CBY3: variants seen among roughly 807,000 people sequenced by gnomAD.
The protein encoded by CBY3 is sperm annulus positioning complex subunit Chibby3.
A neutral mutation model predicts 3.0 loss-of-function variants in CBY3; 7 were observed. The observed-to-expected ratio is 2.32, with a 90% confidence interval of 1.32 to 4.35. The LOEUF (loss-of-function observed/expected upper bound fraction) is 4.35. Ranked by LOEUF, CBY3 falls within the 30% of genes most tolerant of loss-of-function variation. The probability of loss-of-function intolerance (pLI) is 0.00; values close to 1 mark genes in which losing one functional copy is unlikely to be tolerated. For missense variants in CBY3, 400 were observed against 336.4 expected (o/e 1.19, Z -1.48); for synonymous variants, 170 against 154.5 (o/e 1.10, Z -0.74).
Position 179,678,694 on chromosome 5 carries a change from G to T in CBY3, c.618C>A (p.Pro206=). 1 of 1,536,836 alleles carries T rather than the reference G, an allele frequency of 6.5e-7. No homozygotes were observed. The highest frequency in any genetic ancestry group is 8.7e-7 in the Non-Finnish European group (1 of 1,146,688). Residue 206 remains proline (P), a synonymous_variant, in exon 2 of 2, where the codon CCC becomes CCA. Transcript: ENST00000376974. ...GCGCCGCAGCCGTCGGGATCACCTC[G>T]GGGTTGCGCTGCTTCTCCAGCAAGT... ...RMHLLEKQRN[P]EVIPTAAARA...
In CBY3 at chr5:179,679,283, G is replaced by T; in HGVS notation, c.47-18C>A. On this transcript the variant is annotated intron_variant, in intron 1 of 1. Transcript: ENST00000376974. ...GGGCGCTGCTGGGAGACAAGAGTCC[G>T]GGTGAGCAGCGTGCTTGGTACAGGC... 1.3e-6 allele frequency: 2 copies of T among 1,506,934 alleles called. No individual in the cohort carries two copies. The highest frequency in any genetic ancestry group is 1.8e-6 in the Non-Finnish European group (2 of 1,131,554). 93.3% of individuals were successfully genotyped at this position (1,506,934 alleles called of 1,614,324 possible). A position where few individuals can be genotyped will look rare whatever the true frequency, so the allele number is the denominator to read the frequency against.
chr5:179,679,291 A>C, intron 1 of CBY3, 26 bp from the exon 2 acceptor site: 3 of 1,500,378 alleles, frequency 2.0e-6, no homozygotes, highest in Non-Finnish European at 2.7e-6. Context: ...CCGGGTGAGC[A>C]GCGTGCTTGG....
chr5:179,680,754 C>T (rs1337876135), intron 1 of CBY3, 119 bp downstream of exon 1: 1 of 704,336 alleles, frequency 1.4e-6, no homozygotes, highest in African/African-American at 1.8e-5. Flanking sequence ...AATTCCTCTT[C>T]TGCCCATGGG....
At chr5:179,680,684 C>G (rs972811550) in intron 1 of CBY3, among the ~76,000 whole-genome samples, 189 bp downstream of exon 1, 2 of 152,146 alleles carry the variant, frequency 1.3e-5, no homozygotes, top group Non-Finnish European at 2.9e-5. Flanking sequence ...CTGCACCCCC[C>G]ACCCCTGCCC....
At chr5:179,680,076 G>C (rs1215660160) in intron 1 of CBY3, among the ~76,000 whole-genome samples, 2 of 149,064 alleles carry the variant, frequency 1.3e-5, no homozygotes, top group Non-Finnish European at 3.0e-5. Context: ...GCGCCAAAGT[G>C]CTGGGATTAC....
intron 1 of CBY3, 111 bp from the exon 2 acceptor site, chr5:179,679,376 C>T (rs1775995012): frequency 1.1e-6 from 1 of 945,924 alleles, no homozygotes; most frequent in East Asian, 2.7e-5. Flanking sequence ...CTGTGTCTCA[C>T]CAGCTGCTGG....
chr5:179,679,059 A>G lies in CBY3; in HGVS notation c.253T>C (p.Ser85Pro). The change falls in exon 2 of 2, where the codon TCG becomes CCG. Residue 85 changes from serine to proline, a missense_variant. Physicochemically the swap from Ser to Pro is moderately conservative, Grantham distance 74. Transcript: ENST00000376974. ...TLQQFWADHISRPFSPRRPPL... is the reference protein window; with the variant it reads ...TLQQFWADHIPRPFSPRRPPL... ...GGCCGCCGTGGCGAGAAGGGCCGCG[A>G]GATGTGATCGGCCCAAAACTGCTGC... 6.5e-7 allele frequency: 1 copy of G among 1,534,860 alleles called. No individual in the cohort carries two copies. The highest frequency in any genetic ancestry group is 8.7e-7 in the Non-Finnish European group (1 of 1,146,074).
rs552762374 is a variant in CBY3 at position 179,680,902 on chromosome 5, T to C, written c.17A>G (p.Asp6Gly). Residue 6 changes from aspartate to glycine, a missense_variant, in exon 1 of 2, where the codon GAC becomes GGC. Coordinates refer to ENST00000376974, the MANE Select transcript of CBY3 (RefSeq NM_001164444.2). The stretch of plus-strand genomic sequence containing the variant: ...CCCAAGATCTGGTTCAGGGAGATGG[T>C]CTCTGGAAGCCCACATCCAGGCCCA... MWASR[D>G]HLPEPDLGDA... 6.5e-6 allele frequency: 10 copies of C among 1,536,846 alleles called. No individual in the cohort carries two copies. The African/African-American group carries it at 1.2e-4, about 19-fold the overall frequency.
rs750194507 is a variant in CBY3, at chr5:179,678,694, G to C, written c.618C>G (p.Pro206=). 5.2e-6 allele frequency: 8 copies of C among 1,536,718 alleles called. No individual in the cohort carries two copies. Among genetic ancestry groups the C allele is most frequent in the East Asian group, 2.4e-5 (1 of 40,916 alleles). ...GCGCCGCAGCCGTCGGGATCACCTC[G>C]GGGTTGCGCTGCTTCTCCAGCAAGT... ...RMHLLEKQRN[P]EVIPTAAARA... is the part of the protein sequence containing the mutation. Residue 206 remains proline (P), a synonymous_variant, in exon 2 of 2, where the codon CCC becomes CCG. Coordinates refer to ENST00000376974, the MANE Select transcript of CBY3 (RefSeq NM_001164444.2).
In CBY3 at chr5:179,679,170, T is replaced by A. The variant is rs1189581797; in HGVS notation, c.142A>T (p.Ser48Cys). 13 of 1,535,102 alleles carry A rather than the reference T, an allele frequency of 8.5e-6. No homozygotes were observed. The African/African-American group carries it at 1.8e-4, about 21-fold the overall frequency. ...SRQRSRGSPS[S>C]TCVPYKVHAL... ...TGGACCTTGTAGGGCACGCAGGTGC[T>A]CGAAGGGGAGCCTCGGGAGCGCTGG... Residue 48 changes from serine (S) to cysteine (C), a missense_variant, in exon 2 of 2, where the codon AGC becomes TGC. Coordinates refer to ENST00000376974, the MANE Select transcript of CBY3 (RefSeq NM_001164444.2).
intron 1 of CBY3, among the ~76,000 whole-genome samples, chr5:179,680,056 G>T (rs1776022295): frequency 7.1e-6 from 1 of 140,000 alleles, no homozygotes; most frequent in Admixed American, 8.2e-5. Flanking sequence ...CAGGTGATCT[G>T]CCCGCCTCAG....
At chr5:179,680,560 G>A (rs1332740297) in intron 1 of CBY3, among the ~76,000 whole-genome samples, 2 of 152,112 alleles carry the variant, frequency 1.3e-5, no homozygotes, top group African/African-American at 4.8e-5. Context: ...TATGCATAGG[G>A]CTCAAAGTAT....
rs1435515354 is a variant in CBY3, at chr5:179,679,129, G to A, written c.183C>T (p.Phe61=). The change falls in exon 2 of 2, where the codon TTC becomes TTT. Residue 61 remains phenylalanine, a synonymous_variant. Coordinates refer to ENST00000376974, the MANE Select transcript of CBY3 (RefSeq NM_001164444.2). ...TGGCATGGCTCGTAGCCGAGCACTC[G>A]AAGGTTGCCAGGGCGTGGACCTTGT... The part of the protein sequence containing the change: ...VPYKVHALAT[F]ECSATSHASR... 6 of 1,535,658 alleles carry A rather than the reference G, an allele frequency of 3.9e-6. No homozygotes were observed. The highest frequency in any genetic ancestry group is 5.2e-6 in the Non-Finnish European group (6 of 1,146,848).
chr5:179,679,106 G>A lies in CBY3; in HGVS notation c.206C>T (p.Ala69Val), dbSNP rs1169416129. The A allele has an allele frequency of 1.3e-6, 2 of 1,535,700 alleles. No individual in the cohort carries two copies. Among genetic ancestry groups the A allele is most frequent in the Non-Finnish European group, 8.7e-7 (1 of 1,146,734 alleles). ...CTGCAGCGTCTGCCACAGGCGGCTGGCATGGCTCGTAGCCGAGCACTCGAA... is the reference window on the plus strand; with the variant it reads ...CTGCAGCGTCTGCCACAGGCGGCTGACATGGCTCGTAGCCGAGCACTCGAA... ...ATFECSATSH[A>V]SRLWQTLQQF... Residue 69 changes from alanine (A) to valine (V), a missense_variant, in exon 2 of 2, where the codon GCC (alanine) becomes GTC (valine). Coordinates refer to ENST00000376974, the MANE Select transcript of CBY3 (RefSeq NM_001164444.2).
chr5:179,679,071 C>T lies in CBY3; in HGVS notation c.241G>A (p.Ala81Thr), dbSNP rs1328161515. Reference protein sequence around the residue: ...RLWQTLQQFWADHISRPFSPR... With the variant: ...RLWQTLQQFWTDHISRPFSPR... ...GAGAAGGGCCGCGAGATGTGATCGG[C>T]CCAAAACTGCTGCAGCGTCTGCCAC... Residue 81 changes from alanine to threonine, a missense_variant, in exon 2 of 2, where the codon GCC becomes ACC. Coordinates refer to ENST00000376974, the MANE Select transcript of CBY3 (RefSeq NM_001164444.2). 2.0e-6 allele frequency: 3 copies of T among 1,535,564 alleles called. No homozygotes were observed. The highest frequency in any genetic ancestry group is 2.6e-6 in the Non-Finnish European group (3 of 1,146,556).
In CBY3 at chr5:179,678,951, C is replaced by T. The variant is rs1206650029; in HGVS notation, c.361G>A (p.Gly121Ser). ...TTGCTGAGGCGCATGCACGGCGCGC[C>T]GTAGGCGAGGCCCAGCTCGGCCTGG... ...TRQAELGLAY[G>S]APCMRLSNQA... Residue 121 changes from glycine to serine, a missense_variant, in exon 2 of 2, where the codon GGC (glycine) becomes AGC (serine). Physicochemically the swap from Gly to Ser is moderately conservative, Grantham distance 56. Coordinates refer to ENST00000376974, the MANE Select transcript of CBY3 (RefSeq NM_001164444.2). 33 of 1,535,356 alleles carry T rather than the reference C, an allele frequency of 2.1e-5. No homozygotes were observed. Among genetic ancestry groups the T allele is most frequent in the Middle Eastern group, 1.7e-4 (1 of 6,008 alleles).
Position 179,679,282 on chromosome 5 carries a change from C to T in CBY3, c.47-17G>A, listed in dbSNP as rs1315555011. 1.3e-6 allele frequency: 2 copies of T among 1,509,022 alleles called. No individual in the cohort carries two copies. The highest frequency in any genetic ancestry group is 1.4e-5 in the African/African-American group (1 of 72,412). The allele number at this position is 1,509,022 out of a possible 1,614,324, so 93.5% of individuals were successfully genotyped here. The stretch of plus-strand genomic sequence containing the variant: ...GGGGCGCTGCTGGGAGACAAGAGTC[C>T]GGGTGAGCAGCGTGCTTGGTACAGG... On this transcript the variant is annotated splice_polypyrimidine_tract_variant and intron_variant, in intron 1 of 1. Coordinates refer to ENST00000376974, the MANE Select transcript of CBY3 (RefSeq NM_001164444.2).
Position 179,679,132 on chromosome 5 carries a change from G to A in CBY3, c.180C>T (p.Thr60=). ...CVPYKVHALA[T]FECSATSHAS... ...CATGGCTCGTAGCCGAGCACTCGAA[G>A]GTTGCCAGGGCGTGGACCTTGTAGG... is the stretch of plus-strand genomic sequence containing the variant. The change falls in exon 2 of 2, where the codon ACC becomes ACT. Residue 60 remains threonine, a synonymous_variant. Transcript: ENST00000376974. The A allele has an allele frequency of 6.5e-7, 1 of 1,535,680 alleles. No individual in the cohort carries two copies. Among genetic ancestry groups the A allele is most frequent in the African/African-American group, 1.4e-5 (1 of 73,180 alleles).
chr5:179,679,228 G>A lies in CBY3; in HGVS notation c.84C>T (p.Ser28=). ...TGCTGCGCTCTTGTCTCGGGAGCCC[G>A]GATGTCCAGAATGATGAAGGCGAGC... ...PPGSPSSFWT[S]GLPRQERSTS... The change falls in exon 2 of 2, where the codon TCC becomes TCT. Residue 28 remains serine (S), a synonymous_variant. Transcript: ENST00000376974. 1 of 1,533,002 alleles carries A rather than the reference G, an allele frequency of 6.5e-7. No individual in the cohort carries two copies. Among genetic ancestry groups the A allele is most frequent in the South Asian group, 1.2e-5 (1 of 83,856 alleles). 95.0% of individuals were successfully genotyped at this position (1,533,002 alleles called of 1,614,324 possible).
Sources: allele counts gnomAD v4.1 joint callset (sites outside exome capture counted in the v4.1 genomes callset), GRCh38; gene constraint gnomAD v4.1.1; transcripts MANE v1.5; gene names NCBI Gene and HGNC (gene_info 2026-07-23, HGNC 2026-07-21).